Variants in CALN1 observed in about 807,000 individuals in gnomAD.
The protein encoded by CALN1 is calneuron 1, also known as calcium-binding protein 8.
A neutral mutation model predicts 30.6 loss-of-function variants in CALN1; 17 were observed. The observed-to-expected ratio is 0.56, with a 90% CI of 0.38 to 0.83. The LOEUF is 0.83. Ranked by LOEUF, CALN1 falls within the 40% of genes least tolerant of loss-of-function variation. The pLI is 0.00. For synonymous variants in CALN1, 156 were observed against 131.4 expected, an observed-to-expected ratio of 1.19 and a Z score of -1.28; for missense variants, 291 against 354.9, an observed-to-expected ratio of 0.82 and a Z score of 1.45.
intron 6 of CALN1, 52 bp downstream of exon 6, chr7:71,810,284 G>T: frequency 3.8e-6 from 6 of 1,572,690 alleles, no homozygotes; most frequent in Non-Finnish European, 5.2e-6. Context: ...TAGAGAGTGT[G>T]GTGCATTGGC....
In CALN1 at chr7:72,104,593, G is replaced by A. The variant is rs542139363; in HGVS notation, c.388+1558C>T. On this transcript the variant is annotated intron_variant, in intron 4 of 6. Transcript: ENST00000395275. ...CCCAGTGTGTTGTTCCCCACTATGT[G>A]TTTATGTGTTCTCATCATTTAACTC... Among the ~76,000 whole-genome samples the A allele has an allele frequency of 1.2e-4, 19 of 152,158 alleles. No individual in the cohort carries two copies. The South Asian group carries it at 3.7e-3, about 30-fold the overall frequency.
rs1554425423 is a variant in CALN1, at chr7:72,054,438, T to TACAC, written c.389-30670_389-30669insGTGT. On this transcript the variant is annotated intron_variant, in intron 4 of 6. Transcript: ENST00000395275. Reference sequence around the variant, plus strand: ...ATATACGTGTATATATACACGTATATATATATATACATATATATACATATA... The same window carrying TACAC: ...ATATACGTGTATATATACACGTATATACACATATATATACATATATATACATATA... Among the ~76,000 whole-genome samples the TACAC allele has an allele frequency of 7.2e-3, 353 of 48,916 alleles. 14 individuals are homozygous for TACAC. Among genetic ancestry groups the TACAC allele is most frequent in the East Asian group, 7.1e-3 (11 of 1,550 alleles). 32.1% of individuals were successfully genotyped at this position (48,916 alleles called of 152,430 possible).
At chr7:72,194,592 C>CTTTTTT (rs1181135798) in intron 3 of CALN1, among the ~76,000 whole-genome samples, 5 of 115,686 alleles carry the variant, frequency 4.3e-5, no homozygotes, top group African/African-American at 9.8e-5. Flanking sequence ...TAACTGGCCT[C>CTTTTTT]TTTTTTTTTT....
intron 5 of CALN1, among the ~76,000 whole-genome samples, chr7:71,994,231 G>C (rs1799121356): frequency 6.6e-6 from 1 of 152,160 alleles, no homozygotes; most frequent in Non-Finnish European, 1.5e-5. Context: ...GTAAAATTGG[G>C]CCAGGCACGG....
chr7:72,233,567 A>G (rs1794263016), intron 3 of CALN1, among the ~76,000 whole-genome samples: 2 of 152,108 alleles, frequency 1.3e-5, no homozygotes, highest in African/African-American at 4.8e-5. Flanking sequence ...AAAAACAGAA[A>G]CATTAGCCAG....
At chr7:71,921,848 C>A (rs1794963561) in intron 5 of CALN1, among the ~76,000 whole-genome samples, 1 of 151,822 alleles carries the variant, frequency 6.6e-6, no homozygotes, top group South Asian at 2.1e-4. Flanking sequence ...CCATCCTACC[C>A]CCTTCCCAGA....
At chr7:72,251,575 A>C (rs759168449) in intron 3 of CALN1, among the ~76,000 whole-genome samples, 1 of 151,938 alleles carries the variant, frequency 6.6e-6, no homozygotes, top group Non-Finnish European at 1.5e-5. Context: ...CATTTTGTTT[A>C]TTTTTTGTAC....
At chr7:72,069,103 C>CA (rs1804219594) in intron 4 of CALN1, among the ~76,000 whole-genome samples, 1 of 152,170 alleles carries the variant, frequency 6.6e-6, no homozygotes, top group African/African-American at 2.4e-5. Flanking sequence ...GAGCAGATGC[C>CA]AGTGCACACA....
chr7:72,285,035 T>A (rs1797992106), intron 2 of CALN1, among the ~76,000 whole-genome samples: 1 of 152,088 alleles, frequency 6.6e-6, no homozygotes, highest in Admixed American at 6.5e-5. Context: ...TCTAAAGCAG[T>A]GCTACTCAAA....
At chr7:72,372,475 A>G (rs1375309416) in intron 2 of CALN1, among the ~76,000 whole-genome samples, 1 of 152,190 alleles carries the variant, frequency 6.6e-6, no homozygotes, top group African/African-American at 2.4e-5. Context: ...GAAAGTACTG[A>G]TAAGATCATG....
At chr7:72,407,205 CCTTGGGCAAG>C (rs1806759050) in intron 1 of CALN1, among the ~76,000 whole-genome samples, 2 of 152,218 alleles carry the variant, frequency 1.3e-5, no homozygotes. Flanking sequence ...GGCTGTGTGA[CCTTGGGCAAG>C]TGACTTAACC....
chr7:72,097,765 G>C (rs1806346074), intron 4 of CALN1, among the ~76,000 whole-genome samples: 1 of 151,886 alleles, frequency 6.6e-6, no homozygotes, highest in Non-Finnish European at 1.5e-5. Context: ...CCAGGCTGGA[G>C]TGCAATGGCA....
intron 5 of CALN1, among the ~76,000 whole-genome samples, chr7:71,932,790 T>C (rs1239576868): frequency 2.9e-5 from 4 of 136,156 alleles, no homozygotes; most frequent in Non-Finnish European, 6.1e-5. Flanking sequence ...CACTCCAGCC[T>C]GGGTGACAGA....
At chr7:72,386,002 T>G (rs540709539) in intron 2 of CALN1, among the ~76,000 whole-genome samples, 1 of 152,196 alleles carries the variant, frequency 6.6e-6, no homozygotes, top group Non-Finnish European at 1.5e-5. Context: ...AATTCATATA[T>G]GTAAGTGAGA....
intron 5 of CALN1, among the ~76,000 whole-genome samples, chr7:72,012,439 G>A (rs559731275): frequency 5.9e-5 from 9 of 152,294 alleles, no homozygotes; most frequent in South Asian, 4.1e-4. Context: ...CTTGACCCAG[G>A]AGGCGGAGGG....
At chr7:71,914,495 T>C (rs2117019249) in intron 5 of CALN1, among the ~76,000 whole-genome samples, 1 of 152,344 alleles carries the variant, frequency 6.6e-6, no homozygotes, top group South Asian at 2.1e-4. Context: ...TTGTGAATAG[T>C]GCTGCAGTGA....
the CALN1 span, among the ~76,000 whole-genome samples, chr7:72,503,502 C>T: frequency 6.6e-5 from 10 of 152,238 alleles, no homozygotes; most frequent in African/African-American, 2.2e-4. Context: ...TGCAGCCTTC[C>T]GGGGTTCGGA....
chr7:72,019,630 C>T lies in CALN1; in HGVS notation c.501+4027G>A, dbSNP rs529838850. 3.3e-5 allele frequency among the ~76,000 whole-genome samples: 5 copies of T among 152,202 alleles called. No individual in the cohort carries two copies. In the East Asian group the frequency reaches 7.8e-4, roughly 24 times the overall value. On this transcript the variant is annotated intron_variant, in intron 5 of 6. Transcript: ENST00000395275. ...CCTGAGGGCTCCCGTCAACCACCAG[C>T]GTCACCTTGCCAGCCAGGTGAGTGA... is the stretch of plus-strand genomic sequence containing the variant.
At chr7:72,191,291 A>C (rs1790581702) in intron 3 of CALN1, among the ~76,000 whole-genome samples, 1 of 152,160 alleles carries the variant, frequency 6.6e-6, no homozygotes, top group South Asian at 2.1e-4. Flanking sequence ...ACTGTGTAAG[A>C]GGAAGGAGAA....
Sources: gnomAD v4.1 joint callset for allele counts (sites outside exome capture counted in the v4.1 genomes callset) on GRCh38, gnomAD v4.1.1 for gene constraint, MANE v1.5 for transcripts, NCBI Gene and HGNC (gene_info 2026-07-23, HGNC 2026-07-21) for gene names.